Variants in BTAF1 observed in about 807,000 individuals in gnomAD.
BTAF1 encodes the protein B-TFIID TATA-box binding protein associated factor 1, also known as TATA-binding protein-associated factor 172.
A neutral mutation model predicts 227.1 loss-of-function variants in BTAF1; 38 were observed. That is an observed-to-expected ratio of 0.17 (90% CI 0.13 to 0.22). BTAF1 has a LOEUF of 0.22. Among genes scored for constraint, BTAF1 ranks in the 10% least tolerant of loss-of-function variants. BTAF1 has a pLI of 1.00. For missense variants in BTAF1, 1,598 were observed against 2,204.0 expected, an observed-to-expected ratio of 0.73 and a Z score of 5.51; for synonymous variants, 742 against 751.9, an observed-to-expected ratio of 0.99 and a Z score of 0.21.
intron 4 of BTAF1, among the ~76,000 whole-genome samples, chr10:91,944,157 T>A (rs367903143): frequency 1.8e-4 from 26 of 145,858 alleles, no homozygotes; most frequent in African/African-American, 2.2e-4. Flanking sequence ...TGTCTCCAAA[T>A]AAAAAAAAAA....
chr10:91,935,387 TCTTGCTTTTC>T (rs1334571459), intron 1 of BTAF1, among the ~76,000 whole-genome samples: 1 of 152,158 alleles, frequency 6.6e-6, no homozygotes, highest in Non-Finnish European at 1.5e-5. Flanking sequence ...CCCCCATCCC[TCTTGCTTTTC>T]CTACCCTTCC....
chr10:92,023,837 T>G (rs1332547815), intron 34 of BTAF1, among the ~76,000 whole-genome samples: 1 of 152,206 alleles, frequency 6.6e-6, no homozygotes, highest in Non-Finnish European at 1.5e-5. Flanking sequence ...TTTCGCCATG[T>G]TGGCCCGGCT....
intron 5 of BTAF1, 111 bp downstream of exon 5, chr10:91,951,677 C>A: frequency 1.8e-6 from 2 of 1,106,052 alleles, no homozygotes; most frequent in Non-Finnish European, 2.5e-6. Context: ...CTGTTCATTG[C>A]TGCTTAGTGC....
intron 1 of BTAF1, among the ~76,000 whole-genome samples, chr10:91,927,263 C>T (rs1285804688): frequency 2.0e-5 from 3 of 151,924 alleles, no homozygotes; most frequent in Non-Finnish European, 2.9e-5. Context: ...CTCAGCCTCC[C>T]GAGTAGCTGG....
chr10:91,990,111 G>A (rs923822994), intron 20 of BTAF1, among the ~76,000 whole-genome samples: 1 of 152,122 alleles, frequency 6.6e-6, no homozygotes, highest in African/African-American at 2.4e-5. Context: ...AATGAGAACT[G>A]CCCTCTGTAG....
At chr10:92,024,690 C>A in intron 34 of BTAF1, 66 bp from the exon 35 acceptor site, 1 of 1,317,336 alleles carries the variant, frequency 7.6e-7, no homozygotes, top group Non-Finnish European at 1.1e-6. Context: ...AGAGGAATGT[C>A]ACAGTGAGAT....
chr10:92,017,289 TG>T (rs1418202257), intron 33 of BTAF1, among the ~76,000 whole-genome samples: 1 of 152,046 alleles, frequency 6.6e-6, no homozygotes, highest in Non-Finnish European at 1.5e-5. Context: ...TGCAGGTGTA[TG>T]GGGGGAAGTG....
At chr10:91,995,654 C>A (rs1056019027) in intron 23 of BTAF1, among the ~76,000 whole-genome samples, 1 of 148,330 alleles carries the variant, frequency 6.7e-6, no homozygotes, top group Non-Finnish European at 1.5e-5. Context: ...CTAGCCTAGG[C>A]GACAGAGCGA....
intron 14 of BTAF1, among the ~76,000 whole-genome samples, chr10:91,972,959 G>GA (rs1847408945): frequency 6.6e-6 from 1 of 152,128 alleles, no homozygotes; most frequent in South Asian, 2.1e-4. Flanking sequence ...TCTAAAATTT[G>GA]AAAAATTTCT....
At chr10:91,989,648 G>A (rs565563509) in intron 20 of BTAF1, 68 bp downstream of exon 20, 4 of 1,394,006 alleles carry the variant, frequency 2.9e-6, no homozygotes, top group Non-Finnish European at 3.9e-6. Context: ...TTACTTATGG[G>A]TATAATTTAA....
In BTAF1 at chr10:91,924,105, T is replaced by C. The variant is rs1843663572; in HGVS notation, c.14+15T>C. The C allele has an allele frequency of 2.5e-6, 4 of 1,606,724 alleles. No homozygotes were observed. The highest frequency in any genetic ancestry group is 3.4e-6 in the Non-Finnish European group (4 of 1,177,462). On this transcript the variant is annotated intron_variant, in intron 1 of 37. Transcript: ENST00000265990. ...GCGGTCTCCAGGTGGGTCTTGCTCC[T>C]GACGAGCAAACTGGAAGGCGATTCA... is the stretch of plus-strand genomic sequence containing the variant.
At chr10:91,925,863 G>C (rs772863616) in intron 1 of BTAF1, among the ~76,000 whole-genome samples, 2 of 152,318 alleles carry the variant, frequency 1.3e-5, no homozygotes, top group Non-Finnish European at 2.9e-5. Context: ...CAATGACTGA[G>C]TGGGTTTTGA....
At chr10:91,935,580 C>T (rs1844553857) in intron 1 of BTAF1, 77 bp from the exon 2 acceptor site, 1 of 1,500,930 alleles carries the variant, frequency 6.7e-7, no homozygotes, top group African/African-American at 1.4e-5. Flanking sequence ...AGCATCTGCT[C>T]AGTACGTTTA....
intron 4 of BTAF1, among the ~76,000 whole-genome samples, chr10:91,944,054 G>T (rs1195434460): frequency 6.6e-6 from 1 of 152,048 alleles, no homozygotes; most frequent in Non-Finnish European, 1.5e-5. Flanking sequence ...TGGAGGCTGA[G>T]ACAGGAGAAT....
intron 1 of BTAF1, among the ~76,000 whole-genome samples, chr10:91,926,119 C>G (rs1366779507): frequency 6.6e-6 from 1 of 152,144 alleles, no homozygotes; most frequent in Non-Finnish European, 1.5e-5. Flanking sequence ...ATTTTAGTTT[C>G]AAGCTGGCCT....
In BTAF1 at chr10:91,962,546, T is replaced by G. The variant is rs1846599449; in HGVS notation, c.1272T>G (p.Ile424Met). Residue 424 changes from isoleucine to methionine, a missense_variant, in exon 12 of 38, where the codon ATT becomes ATG. Around this residue, in one of 10 missense-constraint regions of BTAF1, gnomAD observed 52 missense variants for 72.4 expected, o/e 0.72. Coordinates refer to ENST00000265990, the MANE Select transcript of BTAF1 (RefSeq NM_003972.3). Reference protein sequence around the residue: ...KYALAVRQDVINTLLPKVLTR... With the variant: ...KYALAVRQDVMNTLLPKVLTR... ...CATGTACTGTTTTACAGGATGTAAT[T>G]AATACTTTATTGCCTAAAGTTTTAA... 6.5e-7 allele frequency: 1 copy of G among 1,547,806 alleles called. No homozygotes were observed.
chr10:91,937,098 G>A (rs1227527887), intron 2 of BTAF1, among the ~76,000 whole-genome samples: 1 of 151,368 alleles, frequency 6.6e-6, no homozygotes, highest in Non-Finnish European at 1.5e-5. Flanking sequence ...GGGTTCAGGC[G>A]ATTCTCCTGC....
chr10:91,956,967 C>G (rs1409901201), intron 7 of BTAF1, among the ~76,000 whole-genome samples: 2 of 151,798 alleles, frequency 1.3e-5, no homozygotes, highest in African/African-American at 4.8e-5. Flanking sequence ...TCTAGCCTGG[C>G]CTACAGGGCG....
At chr10:92,018,573 C>T (rs1022738961) in intron 33 of BTAF1, among the ~76,000 whole-genome samples, 1 of 152,092 alleles carries the variant, frequency 6.6e-6, no homozygotes, top group Non-Finnish European at 1.5e-5. Flanking sequence ...ACAATTTATA[C>T]GCGTTGTAAA....
Sources: allele counts gnomAD v4.1 joint callset (sites outside exome capture counted in the v4.1 genomes callset), GRCh38; gene constraint gnomAD v4.1.1; regional missense constraint gnomAD v4.1.1; transcripts MANE v1.5; gene names NCBI Gene and HGNC (gene_info 2026-07-23, HGNC 2026-07-21).